Variants in TTC21B observed in about 807,000 individuals in gnomAD.
The protein encoded by TTC21B is tetratricopeptide repeat protein 21B.
In TTC21B, 127 loss-of-function variants were observed where a neutral mutation model predicts 175.1. That is an observed-to-expected ratio of 0.73 (90% CI 0.63 to 0.84). The LOEUF (loss-of-function observed/expected upper bound fraction) is 0.84, where lower values mean the gene tolerates loss of function less well. Ranked by LOEUF, TTC21B falls within the 40% of genes least tolerant of loss-of-function variation. The pLI is 0.00. For synonymous variants in TTC21B, 524 were observed against 524.5 expected (o/e 1.00, Z 0.01); for missense variants, 1,561 against 1,558.3 (o/e 1.00, Z -0.03).
chr2:165,873,544 G>C lies in TTC21B; in HGVS notation c.*1211C>G, dbSNP rs370472018. On this transcript the variant is annotated 3_prime_UTR_variant, in exon 29 of 29. Transcript: ENST00000243344. ...TTCTATGCCAGGGTGCTGTTAAACA[G>C]AGCTGGGTAAACCGTTGCCTTCACA... The C allele has an allele frequency of 9.2e-5, 14 of 152,170 alleles. 1 individual carries two copies. Among genetic ancestry groups the C allele is most frequent in the African/African-American group, 1.4e-4 (6 of 41,440 alleles). 9.4% of individuals were successfully genotyped at this position (152,170 alleles called of 1,614,324 possible). A position where few individuals can be genotyped will look rare whatever the true frequency, so the allele number is the denominator to read the frequency against.
At chr2:165,934,083 A>G (rs1215689608) in intron 6 of TTC21B, 1 of 152,172 alleles carries the variant, frequency 6.6e-6, no homozygotes, top group Non-Finnish European at 1.5e-5. Context: ...AAATGTGAGT[A>G]AAGAATACTT....
intron 12 of TTC21B, 131 bp from the exon 13 acceptor site, chr2:165,919,564 G>T: frequency 1.0e-6 from 1 of 979,242 alleles, no homozygotes; most frequent in Non-Finnish European, 1.6e-6. Context: ...GCTGTTCATA[G>T]GCCATGGTTT....
chr2:165,953,537 C>T, intron 1 of TTC21B, 148 bp downstream of exon 1: 1 of 1,349,992 alleles, frequency 7.4e-7, no homozygotes, highest in Non-Finnish European at 1.0e-6. Context: ...GGCTGCAGGC[C>T]CACCCCGCAA....
intron 19 of TTC21B, among the ~76,000 whole-genome samples, chr2:165,905,348 T>C (rs1172330833): frequency 6.6e-6 from 1 of 152,086 alleles, no homozygotes; most frequent in Non-Finnish European, 1.5e-5. Context: ...TTCATAACTA[T>C]ATTAAATGTT....
At chr2:165,922,262 C>T (rs185960115) in intron 12 of TTC21B, among the ~76,000 whole-genome samples, 3 of 152,100 alleles carry the variant, frequency 2.0e-5, no homozygotes, top group Non-Finnish European at 4.4e-5. Context: ...AGTGTCACTT[C>T]TTACAATTGA....
rs1553514801 is a variant in TTC21B, at chr2:165,934,517, A to AAAG, written c.711-1461_711-1460insCTT. On this transcript the variant is annotated intron_variant, in intron 6 of 28. Coordinates refer to ENST00000243344, the MANE Select transcript of TTC21B (RefSeq NM_024753.5). ...CTCTGTCTCAAAAAAAAAAAAAAAA[A>AAAG]AAAAGAAAAGAAACGAAACATGATG... 6.4e-3 allele frequency among the ~76,000 whole-genome samples: 742 copies of AAAG among 116,376 alleles called. 5 individuals carry two copies. Among genetic ancestry groups the AAAG allele is most frequent in the African/African-American group, 0.022 (668 of 30,942 alleles). 76.3% of individuals were successfully genotyped at this position (116,376 alleles called of 152,430 possible). A position where few individuals can be genotyped will look rare whatever the true frequency, so the allele number is the denominator to read the frequency against.
Position 165,892,404 on chromosome 2 carries a change from T to C in TTC21B, c.2951-1416A>G, listed in dbSNP as rs562251838. ...AAGCAGAGACTCAAACAGGTATTCGTACACCAACATTCATAGCAGCAACCT... is the reference window on the plus strand; with the variant it reads ...AAGCAGAGACTCAAACAGGTATTCGCACACCAACATTCATAGCAGCAACCT... On this transcript the variant is annotated intron_variant, in intron 22 of 28. Transcript: ENST00000243344. Among the ~76,000 whole-genome samples, 4 of 152,286 alleles carry C rather than the reference T, an allele frequency of 2.6e-5. No homozygotes were observed. In the South Asian group the frequency reaches 8.3e-4, roughly 32 times the overall value.
chr2:165,886,178 A>G (rs1409563925), intron 25 of TTC21B, among the ~76,000 whole-genome samples: 1 of 152,046 alleles, frequency 6.6e-6, no homozygotes, highest in African/African-American at 2.4e-5. Flanking sequence ...TTAAAATGCA[A>G]TTTATCTTGG....
At chr2:165,927,931 T>C (rs1686737920) in intron 11 of TTC21B, among the ~76,000 whole-genome samples, 1 of 152,228 alleles carries the variant, frequency 6.6e-6, no homozygotes, top group Admixed American at 6.5e-5. Context: ...AATGGAACGC[T>C]TGATAGTGCC....
At chr2:165,888,659 A>T (rs1685089565) in intron 24 of TTC21B, among the ~76,000 whole-genome samples, 185 bp from the exon 25 acceptor site, 1 of 152,214 alleles carries the variant, frequency 6.6e-6, no homozygotes, top group African/African-American at 2.4e-5. Context: ...AAGCACAGTT[A>T]CAATGCATTT....
At chr2:165,903,620 A>G (rs1409699709) in intron 19 of TTC21B, among the ~76,000 whole-genome samples, 1 of 152,198 alleles carries the variant, frequency 6.6e-6, no homozygotes, top group Non-Finnish European at 1.5e-5. Flanking sequence ...CAGCTAAAAG[A>G]TGACAGAGAG....
intron 15 of TTC21B, among the ~76,000 whole-genome samples, chr2:165,914,817 T>C (rs1344616785): frequency 1.3e-5 from 2 of 152,076 alleles, no homozygotes; most frequent in African/African-American, 4.8e-5. Context: ...TAACTTTTTT[T>C]TTCCTACAAC....
chr2:165,907,752 G>T lies in TTC21B; in HGVS notation c.2494C>A (p.Arg832Ser). 1 of 1,612,812 alleles carries T rather than the reference G, an allele frequency of 6.2e-7. No individual in the cohort carries two copies. Among genetic ancestry groups the T allele is most frequent in the African/African-American group, 1.3e-5 (1 of 74,984 alleles). ...NELSALMEDGRCQVLLAKVYS... is the reference protein window; with the variant it reads ...NELSALMEDGSCQVLLAKVYS... ...ACTTTTGCTAGAAGAACTTGACAAC[G>T]TCCATCCTCCATGAGAGCTGACAGT... Residue 832 changes from arginine to serine, a missense_variant, in exon 19 of 29, where the codon CGT becomes AGT. By Grantham distance (110) the Arg-to-Ser change is moderately radical. Coordinates refer to ENST00000243344, the MANE Select transcript of TTC21B (RefSeq NM_024753.5).
At position 165,874,788 on chromosome 2, in the gene TTC21B, T is replaced by A; in HGVS notation, c.3918A>T (p.Ile1306=). 1 of 1,613,778 alleles carries A rather than the reference T, an allele frequency of 6.2e-7. No individual in the cohort carries two copies. The highest frequency in any genetic ancestry group is 8.5e-7 in the Non-Finnish European group (1 of 1,179,828). The change falls in exon 29 of 29, where the codon ATA becomes ATT. Residue 1306 remains isoleucine, a synonymous_variant. Coordinates refer to ENST00000243344, the MANE Select transcript of TTC21B (RefSeq NM_024753.5). Reference sequence around the variant, plus strand: ...TTAAAGACGCACGGGCCTTATCAAGTATATCCTTTCTGATTTTTGGATAAG... The same window carrying A: ...TTAAAGACGCACGGGCCTTATCAAGAATATCCTTTCTGATTTTTGGATAAG... ...HPTYPKIRKD[I]LDKARASLRP
chr2:165,884,505 C>A (rs551251834), intron 25 of TTC21B, among the ~76,000 whole-genome samples: 1 of 152,044 alleles, frequency 6.6e-6, no homozygotes, highest in East Asian at 1.9e-4. Context: ...TTTTTTTCCC[C>A]CTCCCTTCTC....
chr2:165,937,705 TTA>T (rs1214978464), intron 6 of TTC21B, among the ~76,000 whole-genome samples: 1 of 149,818 alleles, frequency 6.7e-6, no homozygotes, highest in Non-Finnish European at 1.5e-5. Flanking sequence ...TAAAAGTACA[TTA>T]TGAGTCTATT....
At chr2:165,881,523 T>C (rs1684834945) in intron 26 of TTC21B, among the ~76,000 whole-genome samples, 1 of 152,140 alleles carries the variant, frequency 6.6e-6, no homozygotes, top group South Asian at 2.1e-4. Context: ...TTAAATGTAA[T>C]AGAAACAAGA....
At chr2:165,912,328 A>G (rs1188584386) in intron 17 of TTC21B, among the ~76,000 whole-genome samples, 186 bp downstream of exon 17, 1 of 152,202 alleles carries the variant, frequency 6.6e-6, no homozygotes, top group Non-Finnish European at 1.5e-5. Context: ...CCAAATAATC[A>G]CCACGAAATG....
chr2:165,919,438 T>C lies in TTC21B; in HGVS notation c.1517-5A>G, dbSNP rs769174542. On this transcript the variant is annotated splice_region_variant and splice_polypyrimidine_tract_variant and intron_variant, in intron 12 of 28. Coordinates refer to ENST00000243344, the MANE Select transcript of TTC21B (RefSeq NM_024753.5). ...TGAAAGCTGCTTCAATATCACCTAA[T>C]AAGAAAAACAATGCATTGTTATAAT... The C allele has an allele frequency of 1.2e-6, 2 of 1,613,672 alleles. No individual in the cohort carries two copies. The highest frequency in any genetic ancestry group is 1.7e-5 in the Admixed American group (1 of 60,004).
Sources: allele counts gnomAD v4.1 joint callset (sites outside exome capture counted in the v4.1 genomes callset), GRCh38; gene constraint gnomAD v4.1.1; transcripts MANE v1.5; gene names NCBI Gene and HGNC (gene_info 2026-07-23, HGNC 2026-07-21).